CDK14: variants seen among roughly 807,000 people sequenced by gnomAD.
CDK14 encodes the protein cyclin dependent kinase 14.
In CDK14, 34 loss-of-function variants were observed where a neutral mutation model predicts 60.7. That is an observed-to-expected ratio of 0.56 (90% CI 0.43 to 0.75). The LOEUF (loss-of-function observed/expected upper bound fraction) is 0.75. Ranked by LOEUF, CDK14 falls within the 30% of genes least tolerant of loss-of-function variation. CDK14 has a pLI of 0.00. For missense variants in CDK14, 482 were observed against 564.1 expected (o/e 0.85, Z 1.47); for synonymous variants, 197 against 203.7 (o/e 0.97, Z 0.28).
At chr7:90,644,849 A>G (rs573536939) in intron 2 of CDK14, among the ~76,000 whole-genome samples, 1 of 152,326 alleles carries the variant, frequency 6.6e-6, no homozygotes, top group East Asian at 1.9e-4. Context: ...ATTACAATTT[A>G]TTGAACTAAA....
chr7:90,802,201 T>C (rs1788665219), intron 5 of CDK14, among the ~76,000 whole-genome samples: 1 of 152,252 alleles, frequency 6.6e-6, no homozygotes, highest in African/African-American at 2.4e-5. Context: ...GATGGAATTT[T>C]CAGTGAAACA....
chr7:91,134,822 C>T (rs1244917660), intron 14 of CDK14, among the ~76,000 whole-genome samples: 1 of 151,740 alleles, frequency 6.6e-6, no homozygotes, highest in African/African-American at 2.4e-5. Flanking sequence ...TTACAGTGAG[C>T]CGAGATCACA....
At chr7:91,126,025 C>T (rs1212758330) in intron 14 of CDK14, among the ~76,000 whole-genome samples, 2 of 152,118 alleles carry the variant, frequency 1.3e-5, no homozygotes, top group Admixed American at 6.6e-5. Context: ...TACATTATTA[C>T]ATACAATGGT....
chr7:90,968,725 T>C (rs1268901825), intron 9 of CDK14, among the ~76,000 whole-genome samples: 3 of 152,132 alleles, frequency 2.0e-5, no homozygotes, highest in African/African-American at 7.2e-5. Flanking sequence ...TAAATAAATT[T>C]CCATCTATTT....
intron 10 of CDK14, 66 bp from the exon 11 acceptor site, chr7:91,045,831 C>A: frequency 9.9e-7 from 1 of 1,010,706 alleles, no homozygotes; most frequent in Non-Finnish European, 1.6e-6. Context: ...TATTTTTCTA[C>A]ACTTGAGAAT....
At chr7:90,711,495 A>C (rs1215539381) in intron 2 of CDK14, among the ~76,000 whole-genome samples, 1 of 150,152 alleles carries the variant, frequency 6.7e-6, no homozygotes, top group Non-Finnish European at 1.5e-5. Flanking sequence ...TTTTTTTTTC[A>C]TCCTGTGACA....
At chr7:91,058,178 G>A (rs1227978767) in intron 11 of CDK14, among the ~76,000 whole-genome samples, 1 of 152,040 alleles carries the variant, frequency 6.6e-6, no homozygotes. Context: ...ATTGTGAATG[G>A]GAGTTCACTC....
At chr7:90,870,946 A>T (rs1040712073) in intron 6 of CDK14, among the ~76,000 whole-genome samples, 4 of 152,222 alleles carry the variant, frequency 2.6e-5, no homozygotes, top group Admixed American at 2.0e-4. Flanking sequence ...TAAAACAAGA[A>T]TAGAAATCTA....
intron 4 of CDK14, among the ~76,000 whole-genome samples, chr7:90,790,061 A>G (rs1400927624): frequency 7.0e-6 from 1 of 143,028 alleles, no homozygotes; most frequent in African/African-American, 2.6e-5. Flanking sequence ...AGGAGGTTGT[A>G]GTAAAAAAGA....
intron 2 of CDK14, among the ~76,000 whole-genome samples, chr7:90,625,219 T>C (rs556217794): frequency 6.6e-6 from 1 of 152,076 alleles, no homozygotes; most frequent in Non-Finnish European, 1.5e-5. Flanking sequence ...ACATGCCCAT[T>C]GTCCTAGCTA....
chr7:90,768,302 A>G (rs1421049080), intron 4 of CDK14, among the ~76,000 whole-genome samples: 1 of 152,268 alleles, frequency 6.6e-6, no homozygotes, highest in Non-Finnish European at 1.5e-5. Flanking sequence ...CTTAATGATC[A>G]GCATGTATAG....
intron 8 of CDK14, among the ~76,000 whole-genome samples, chr7:90,930,425 ATGCCTG>A (rs1793553721): frequency 2.0e-5 from 3 of 151,116 alleles, no homozygotes; most frequent in African/African-American, 7.3e-5. Context: ...ATTTTGAAAG[ATGCCTG>A]TGTATTTGAC....
At chr7:90,622,830 C>T (rs1167587602) in intron 2 of CDK14, among the ~76,000 whole-genome samples, 2 of 151,628 alleles carry the variant, frequency 1.3e-5, no homozygotes, top group African/African-American at 4.8e-5. Flanking sequence ...TCTTTCTTTA[C>T]TGTCCCATCT....
intron 7 of CDK14, among the ~76,000 whole-genome samples, chr7:90,915,557 T>C (rs1793054444): frequency 6.6e-6 from 1 of 152,236 alleles, no homozygotes; most frequent in Admixed American, 6.5e-5. Context: ...CTCAGTTCAG[T>C]GGCCTTGGAG....
At chr7:90,948,193 G>T (rs983771564) in intron 8 of CDK14, among the ~76,000 whole-genome samples, 10 of 152,106 alleles carry the variant, frequency 6.6e-5, no homozygotes, top group African/African-American at 2.4e-4. Context: ...ATTTAGTCAG[G>T]TTTTGAAATT....
At chr7:91,050,080 A>G (rs1261124245) in intron 11 of CDK14, among the ~76,000 whole-genome samples, 2 of 152,242 alleles carry the variant, frequency 1.3e-5, no homozygotes, top group Admixed American at 6.5e-5. Flanking sequence ...GCAAGTACCA[A>G]TGCCCTGAAT....
chr7:90,954,985 A>G (rs1335428398), intron 8 of CDK14, among the ~76,000 whole-genome samples: 3 of 151,254 alleles, frequency 2.0e-5, no homozygotes, highest in Non-Finnish European at 4.4e-5. Context: ...GTGCATGAGT[A>G]TTTATGGTTA....
intron 11 of CDK14, among the ~76,000 whole-genome samples, chr7:91,058,244 G>T (rs1017285710): frequency 6.6e-6 from 1 of 152,016 alleles, no homozygotes; most frequent in Non-Finnish European, 1.5e-5. Flanking sequence ...TCTGATTTTT[G>T]CACATTGATT....
intron 4 of CDK14, among the ~76,000 whole-genome samples, chr7:90,758,222 C>T (rs1804161616): frequency 1.3e-5 from 2 of 152,038 alleles, no homozygotes; most frequent in South Asian, 2.1e-4. Context: ...CAGTGTTCTC[C>T]AGATTTCTTC....
Sources: gnomAD v4.1 joint callset for allele counts (sites outside exome capture counted in the v4.1 genomes callset) on GRCh38, gnomAD v4.1.1 for gene constraint, MANE v1.5 for transcripts, NCBI Gene and HGNC (gene_info 2026-07-23, HGNC 2026-07-21) for gene names.